Variants in GNG12 observed in about 807,000 individuals in gnomAD.
The protein encoded by GNG12 is G protein subunit gamma 12.
For missense variants in GNG12, 69 were observed against 83.8 expected (o/e 0.82, Z 0.69); for synonymous variants, 28 against 29.7 (o/e 0.94, Z 0.19).
At chr1:67,810,212 T>C (rs1265937571) in intron 1 of GNG12, among the ~76,000 whole-genome samples, 1 of 152,168 alleles carries the variant, frequency 6.6e-6, no homozygotes, top group Non-Finnish European at 1.5e-5. Flanking sequence ...CATTCCACTA[T>C]GGAGACAGTG....
At chr1:67,787,407 A>G (rs1357723359) in intron 1 of GNG12, among the ~76,000 whole-genome samples, 1 of 152,120 alleles carries the variant, frequency 6.6e-6, no homozygotes, top group Admixed American at 6.6e-5. Context: ...GTGGAGTCCT[A>G]TTAAACTAAC....
chr1:67,793,428 C>T (rs138657596), intron 1 of GNG12, among the ~76,000 whole-genome samples: 328 of 152,124 alleles, frequency 2.2e-3, no homozygotes, highest in African/African-American at 7.5e-3. Flanking sequence ...GATGTGAAAT[C>T]CTATTCAATT....
chr1:67,824,924 C>T (rs147238333), intron 1 of GNG12, among the ~76,000 whole-genome samples: 137 of 137,602 alleles, frequency 1.0e-3, no homozygotes, highest in Non-Finnish European at 1.3e-3. Flanking sequence ...TTATTACAGC[C>T]ATAGGAAGTC....
At chr1:67,764,473 A>G (rs1646624509) in intron 2 of GNG12, among the ~76,000 whole-genome samples, 1 of 152,198 alleles carries the variant, frequency 6.6e-6, no homozygotes, top group East Asian at 1.9e-4. Flanking sequence ...ACTTCAGCGT[A>G]TTATAATTTG....
chr1:67,747,903 G>C (rs1325360623), intron 2 of GNG12, among the ~76,000 whole-genome samples: 1 of 152,230 alleles, frequency 6.6e-6, no homozygotes, highest in East Asian at 1.9e-4. Context: ...TGCAAACAAT[G>C]TTGGCTCCCT....
intron 1 of GNG12, among the ~76,000 whole-genome samples, chr1:67,822,112 T>A (rs1439360757): frequency 6.6e-6 from 1 of 152,168 alleles, no homozygotes; most frequent in Non-Finnish European, 1.5e-5. Flanking sequence ...TAAGCAAGTT[T>A]ATGAATTTGT....
chr1:67,711,479 T>C (rs1570476429), intron 2 of GNG12, among the ~76,000 whole-genome samples: 1 of 151,098 alleles, frequency 6.6e-6, no homozygotes, highest in African/African-American at 2.4e-5. Context: ...TTATGGGAGG[T>C]AAGGGGAAGA....
intron 2 of GNG12, among the ~76,000 whole-genome samples, chr1:67,734,296 T>A (rs116668809): frequency 6.6e-6 from 1 of 151,956 alleles, no homozygotes; most frequent in Non-Finnish European, 1.5e-5. Flanking sequence ...GGTGAGGGCA[T>A]GCTTCTTCTT....
At position 67,763,629 on chromosome 1, in the gene GNG12, C is replaced by T. The variant is rs1016326716; in HGVS notation, c.-27+13829G>A. Among the ~76,000 whole-genome samples, 7 of 151,854 alleles carry T rather than the reference C, an allele frequency of 4.6e-5. No individual in the cohort carries two copies. The East Asian group carries it at 1.2e-3, about 25-fold the overall frequency. On this transcript the variant is annotated intron_variant, in intron 2 of 3. Coordinates refer to ENST00000370982, the MANE Select transcript of GNG12 (RefSeq NM_018841.6). ...AGCTCTACAGCCTCAAACTCCTGGGCTCAAACAACCCTCCTGCCTCAGCCT... is the reference window on the plus strand; with the variant it reads ...AGCTCTACAGCCTCAAACTCCTGGGTTCAAACAACCCTCCTGCCTCAGCCT...
At chr1:67,758,955 T>C (rs1646586138) in intron 2 of GNG12, among the ~76,000 whole-genome samples, 3 of 152,260 alleles carry the variant, frequency 2.0e-5, no homozygotes, top group African/African-American at 7.2e-5. Flanking sequence ...GAATAAGTTT[T>C]AGTATCTGAC....
At chr1:67,799,203 C>A (rs1468935873) in intron 1 of GNG12, among the ~76,000 whole-genome samples, 1 of 152,170 alleles carries the variant, frequency 6.6e-6, no homozygotes. Context: ...GTTGTAACCA[C>A]TAAACTCTGT....
intron 2 of GNG12, among the ~76,000 whole-genome samples, chr1:67,758,836 A>G (rs1359335911): frequency 6.6e-6 from 1 of 152,184 alleles, no homozygotes; most frequent in Non-Finnish European, 1.5e-5. Context: ...GGAGCTAAAA[A>G]AGTAGACCTC....
intron 1 of GNG12, among the ~76,000 whole-genome samples, chr1:67,778,087 T>TA (rs1478340727): frequency 6.7e-6 from 1 of 148,942 alleles, no homozygotes; most frequent in Non-Finnish European, 1.5e-5. Context: ...AATATATAAT[T>TA]ATGTATATTA....
intron 1 of GNG12, among the ~76,000 whole-genome samples, chr1:67,779,755 C>T (rs1048700802): frequency 1.8e-4 from 27 of 152,070 alleles, no homozygotes; most frequent in African/African-American, 4.3e-4. Flanking sequence ...GAGGGGGATG[C>T]GTTCTGAGAA....
intron 1 of GNG12, among the ~76,000 whole-genome samples, chr1:67,827,530 A>C (rs1647018100): frequency 6.6e-6 from 1 of 151,722 alleles, no homozygotes; most frequent in East Asian, 1.9e-4. Context: ...GGTTCACGCC[A>C]TTTTCCTGCC....
intron 2 of GNG12, among the ~76,000 whole-genome samples, chr1:67,767,265 G>T (rs956336131): frequency 6.6e-6 from 1 of 152,026 alleles, no homozygotes; most frequent in Non-Finnish European, 1.5e-5. Context: ...GTCTCTTCTT[G>T]GCCTCTTGAA....
At chr1:67,744,981 C>T (rs1288999773) in intron 2 of GNG12, among the ~76,000 whole-genome samples, 3 of 152,170 alleles carry the variant, frequency 2.0e-5, no homozygotes, top group Admixed American at 6.5e-5. Context: ...GGGCAAGTCG[C>T]TTATTTTCTC....
intron 2 of GNG12, among the ~76,000 whole-genome samples, chr1:67,707,963 C>T (rs1342544048): frequency 6.6e-6 from 1 of 152,132 alleles, no homozygotes; most frequent in Non-Finnish European, 1.5e-5. Flanking sequence ...CGATGCACCC[C>T]AACATATAAC....
intron 2 of GNG12, among the ~76,000 whole-genome samples, chr1:67,746,566 G>A (rs1429835246): frequency 1.3e-5 from 2 of 152,140 alleles, no homozygotes; most frequent in African/African-American, 4.8e-5. Context: ...TCTTCACCAA[G>A]GGATGGAGAA....
Sources: gnomAD v4.1 joint callset for allele counts (sites outside exome capture counted in the v4.1 genomes callset) on GRCh38, gnomAD v4.1.1 for gene constraint, MANE v1.5 for transcripts, NCBI Gene and HGNC (gene_info 2026-07-23, HGNC 2026-07-21) for gene names.